The following SKAP2 variants were observed in gnomAD, a reference collection of about 807,000 sequenced individuals.
SKAP2 encodes src kinase-associated phosphoprotein 2.
In SKAP2, 28 loss-of-function variants were observed where a neutral mutation model predicts 54.9. The ratio of observed to expected loss-of-function variants is 0.51; its 90% CI spans 0.38 to 0.70. The LOEUF is 0.70. Ranked by LOEUF, SKAP2 falls within the 30% of genes least tolerant of loss-of-function variation. SKAP2 has a pLI of 0.00. For missense variants in SKAP2, 356 were observed against 424.1 expected (o/e 0.84, Z 1.41); for synonymous variants, 137 against 134.3 (o/e 1.02, Z -0.14).
At chr7:26,798,939 G>A (rs1022735414) in intron 4 of SKAP2, among the ~76,000 whole-genome samples, 2 of 150,746 alleles carry the variant, frequency 1.3e-5, no homozygotes, top group Non-Finnish European at 2.9e-5. Flanking sequence ...TAAAAAGCAA[G>A]AGACTAAATC....
At chr7:26,806,519 GCAAA>G (rs1046504962) in intron 4 of SKAP2, among the ~76,000 whole-genome samples, 17 of 152,306 alleles carry the variant, frequency 1.1e-4, no homozygotes, top group Middle Eastern at 3.4e-3. Flanking sequence ...AGGCTGCAAA[GCAAA>G]CAAACAAAGC....
intron 4 of SKAP2, among the ~76,000 whole-genome samples, chr7:26,749,614 A>G (rs1242943058): frequency 6.6e-6 from 1 of 151,816 alleles, no homozygotes; most frequent in Non-Finnish European, 1.5e-5. Flanking sequence ...CAGGCATGGT[A>G]ACTCACACCT....
chr7:26,688,057 TA>T (rs1028479747), intron 10 of SKAP2, among the ~76,000 whole-genome samples: 4 of 152,092 alleles, frequency 2.6e-5, no homozygotes, highest in African/African-American at 9.7e-5. Context: ...CTCCTGCTTT[TA>T]AAAACATACA....
intron 4 of SKAP2, among the ~76,000 whole-genome samples, chr7:26,745,494 G>T (rs918136940): frequency 1.3e-5 from 2 of 152,146 alleles, no homozygotes; most frequent in African/African-American, 2.4e-5. Context: ...GCCACCTCCT[G>T]GGGGGAGATA....
intron 9 of SKAP2, among the ~76,000 whole-genome samples, chr7:26,717,945 C>T (rs1001136034): frequency 1.3e-5 from 2 of 151,992 alleles, no homozygotes; most frequent in Non-Finnish European, 2.9e-5. Flanking sequence ...TGCTGGAAGA[C>T]TCTGCCCATT....
chr7:26,851,262 A>G (rs1018973362), intron 3 of SKAP2, among the ~76,000 whole-genome samples: 1 of 151,490 alleles, frequency 6.6e-6, no homozygotes, highest in Non-Finnish European at 1.5e-5. Context: ...TACCAAAAAA[A>G]AAAAAAAAAA....
At chr7:26,810,840 C>A (rs1177883205) in intron 4 of SKAP2, among the ~76,000 whole-genome samples, 1 of 152,078 alleles carries the variant, frequency 6.6e-6, no homozygotes, top group Non-Finnish European at 1.5e-5. Context: ...CGCCACCATG[C>A]CTGGCTAATT....
intron 11 of SKAP2, among the ~76,000 whole-genome samples, chr7:26,680,575 A>G (rs1786468908): frequency 6.6e-6 from 1 of 152,258 alleles, no homozygotes; most frequent in South Asian, 2.1e-4. Context: ...TGCTTTCATC[A>G]GTCATTATAA....
chr7:26,690,674 T>C (rs530921772), intron 9 of SKAP2, among the ~76,000 whole-genome samples: 1 of 152,292 alleles, frequency 6.6e-6, no homozygotes, highest in Admixed American at 6.5e-5. Flanking sequence ...TATGTACTAA[T>C]GCACTGCATG....
At chr7:26,831,678 T>C (rs1426221583) in intron 4 of SKAP2, among the ~76,000 whole-genome samples, 1 of 152,154 alleles carries the variant, frequency 6.6e-6, no homozygotes, top group Admixed American at 6.5e-5. Context: ...TTATCCTTAA[T>C]TTGACAGATG....
intron 3 of SKAP2, among the ~76,000 whole-genome samples, chr7:26,851,720 A>T (rs2030132): frequency 0.063 from 5,883 of 92,998 alleles, 361 homozygotes; most frequent in African/African-American, 0.17. Context: ...TATAATAATT[A>T]AAAAAAAAAA....
At chr7:26,857,334 A>AAAAAAAAAT (rs1785190782) in intron 1 of SKAP2, 1 of 220,530 alleles carries the variant, frequency 4.5e-6, no homozygotes, top group Non-Finnish European at 7.3e-6. Context: ...AAAAAAAAAA[A>AAAAAAAAAT]ACTTTAAACT....
At chr7:26,733,340 A>G (rs1351952793) in intron 6 of SKAP2, among the ~76,000 whole-genome samples, 2 of 151,956 alleles carry the variant, frequency 1.3e-5, no homozygotes, top group Non-Finnish European at 2.9e-5. Context: ...CACATTTAAT[A>G]TATATCATCT....
chr7:26,690,968 G>T (rs1786768579), intron 9 of SKAP2, among the ~76,000 whole-genome samples: 1 of 152,044 alleles, frequency 6.6e-6, no homozygotes, highest in Non-Finnish European at 1.5e-5. Context: ...ATCCTTTGAG[G>T]TAATTCCCCC....
At chr7:26,734,716 CTGTACCGTCACA>C (rs1787887997) in intron 6 of SKAP2, among the ~76,000 whole-genome samples, 1 of 152,156 alleles carries the variant, frequency 6.6e-6, no homozygotes, top group Admixed American at 6.6e-5. Context: ...GAGTTGAATG[CTGTACCGTCACA>C]TGGCGGAAAG....
chr7:26,812,606 T>C (rs1235487694), intron 4 of SKAP2, among the ~76,000 whole-genome samples: 4 of 152,148 alleles, frequency 2.6e-5, no homozygotes, highest in African/African-American at 9.7e-5. Context: ...CGACAAAATA[T>C]GTTAAACAAT....
chr7:26,798,599 CA>C (rs1783835979), intron 4 of SKAP2, among the ~76,000 whole-genome samples: 1 of 150,972 alleles, frequency 6.6e-6, no homozygotes, highest in Non-Finnish European at 1.5e-5. Flanking sequence ...ACAGTAAGTA[CA>C]CAGAAAAACA....
At chr7:26,816,679 C>T (rs1219664391) in intron 4 of SKAP2, among the ~76,000 whole-genome samples, 1 of 151,904 alleles carries the variant, frequency 6.6e-6, no homozygotes, top group African/African-American at 2.4e-5. Context: ...TGGATTTTGT[C>T]TCAAACAACA....
intron 9 of SKAP2, among the ~76,000 whole-genome samples, chr7:26,700,698 G>A (rs544713911): frequency 6.6e-5 from 10 of 152,282 alleles, no homozygotes; most frequent in Admixed American, 4.6e-4. Context: ...TTCATCCGGC[G>A]TATGTCCTAA....
Sources: allele counts gnomAD v4.1 joint callset (sites outside exome capture counted in the v4.1 genomes callset), GRCh38; gene constraint gnomAD v4.1.1; transcripts MANE v1.5; gene names NCBI Gene and HGNC (gene_info 2026-07-23, HGNC 2026-07-21).